Variants in GABBR2 observed in about 807,000 individuals in gnomAD.
GABBR2 encodes the protein G-protein coupled receptor 51.
Under a neutral mutation model 105.6 loss-of-function variants are expected in GABBR2, and 23 were observed. The observed-to-expected ratio is 0.22, with a 90% confidence interval of 0.16 to 0.31. The LOEUF (loss-of-function observed/expected upper bound fraction) is 0.31. GABBR2 is among the 10% of genes least tolerant of loss of function. GABBR2 has a pLI of 1.00. For synonymous variants in GABBR2, 478 were observed against 499.7 expected (o/e 0.96, Z 0.58); for missense variants, 734 against 1,245.5 (o/e 0.59, Z 6.18).
At chr9:98,430,225 G>C (rs538942361) in intron 7 of GABBR2, among the ~76,000 whole-genome samples, 1 of 148,150 alleles carries the variant, frequency 6.7e-6, no homozygotes, top group Non-Finnish European at 1.5e-5. Flanking sequence ...GGGAGGTGGA[G>C]ATTGCAGTGA....
At chr9:98,576,452 C>T (rs930056314) in intron 2 of GABBR2, among the ~76,000 whole-genome samples, 1 of 152,176 alleles carries the variant, frequency 6.6e-6, no homozygotes, top group South Asian at 2.1e-4. Flanking sequence ...TTTCTGACTA[C>T]CCCAAGGCAG....
intron 2 of GABBR2, among the ~76,000 whole-genome samples, chr9:98,575,445 C>T (rs1172237596): frequency 6.6e-6 from 1 of 152,152 alleles, no homozygotes; most frequent in African/African-American, 2.4e-5. Context: ...ACAAAGAACA[C>T]TTAGTTAGCA....
intron 2 of GABBR2, among the ~76,000 whole-genome samples, chr9:98,550,268 A>G (rs1017478391): frequency 6.6e-6 from 1 of 152,198 alleles, no homozygotes; most frequent in Non-Finnish European, 1.5e-5. Context: ...CAACAAAGCA[A>G]ATTGGGGCGA....
At chr9:98,385,485 G>A (rs931564424) in intron 11 of GABBR2, among the ~76,000 whole-genome samples, 155 bp downstream of exon 11, 2 of 150,342 alleles carry the variant, frequency 1.3e-5, no homozygotes, top group Non-Finnish European at 3.0e-5. Context: ...CAGTAACACC[G>A]TTCTTCCCTG....
At chr9:98,589,678 C>T (rs1395394119) in intron 1 of GABBR2, among the ~76,000 whole-genome samples, 1 of 151,244 alleles carries the variant, frequency 6.6e-6, no homozygotes, top group Non-Finnish European at 1.5e-5. Flanking sequence ...GGGATACAGC[C>T]AGATATAACT....
chr9:98,350,926 G>C (rs1831387997), intron 13 of GABBR2, among the ~76,000 whole-genome samples: 1 of 152,040 alleles, frequency 6.6e-6, no homozygotes, highest in Non-Finnish European at 1.5e-5. Context: ...CTCTGGCATT[G>C]GGTGCATATT....
At chr9:98,599,993 A>G (rs951961476) in intron 1 of GABBR2, among the ~76,000 whole-genome samples, 17 of 152,188 alleles carry the variant, frequency 1.1e-4, no homozygotes, top group African/African-American at 4.1e-4. Context: ...AGAGTCAATT[A>G]AGAAAGGGGC....
intron 7 of GABBR2, among the ~76,000 whole-genome samples, chr9:98,436,024 G>A (rs140243681): frequency 1.3e-5 from 2 of 151,684 alleles, no homozygotes; most frequent in African/African-American, 4.8e-5. Context: ...CATCTGCCCT[G>A]CTCACAGTTG....
intron 1 of GABBR2, among the ~76,000 whole-genome samples, chr9:98,624,441 A>G (rs995648508): frequency 1.3e-5 from 2 of 152,186 alleles, no homozygotes; most frequent in African/African-American, 4.8e-5. Flanking sequence ...ACTGTGGGAG[A>G]GAAAAACTTC....
chr9:98,397,901 T>C (rs1224398448), intron 8 of GABBR2, among the ~76,000 whole-genome samples: 1 of 152,184 alleles, frequency 6.6e-6, no homozygotes, highest in Non-Finnish European at 1.5e-5. Flanking sequence ...TCTCATCCCC[T>C]GCACTCTGCT....
intron 16 of GABBR2, 99 bp from the exon 17 acceptor site, chr9:98,299,452 T>A: frequency 7.6e-7 from 1 of 1,317,180 alleles, no homozygotes. Flanking sequence ...GGCCTTTACC[T>A]GTATTCAGGA....
At chr9:98,404,211 A>AG (rs1832449741) in intron 8 of GABBR2, among the ~76,000 whole-genome samples, 2 of 152,034 alleles carry the variant, frequency 1.3e-5, no homozygotes, top group Non-Finnish European at 2.9e-5. Context: ...AAAAAAAAAA[A>AG]AGTAAGTATC....
chr9:98,630,889 C>A (rs1434596983), intron 1 of GABBR2, among the ~76,000 whole-genome samples: 1 of 152,160 alleles, frequency 6.6e-6, no homozygotes, highest in Non-Finnish European at 1.5e-5. Context: ...TAAATTAATT[C>A]AAATCAAATT....
chr9:98,578,147 A>G, intron 1 of GABBR2, 75 bp from the exon 2 acceptor site: 4 of 1,524,332 alleles, frequency 2.6e-6, no homozygotes, highest in Non-Finnish European at 3.6e-6. Context: ...CCAACAAACA[A>G]ATCTTTCCTC....
chr9:98,534,759 T>C (rs1439155698), intron 3 of GABBR2, among the ~76,000 whole-genome samples: 2 of 152,152 alleles, frequency 1.3e-5, no homozygotes, highest in East Asian at 1.9e-4. Flanking sequence ...TCACAGAAAC[T>C]CTCATTCATT....
At chr9:98,684,243 GT>G (rs1830593535) in intron 1 of GABBR2, among the ~76,000 whole-genome samples, 1 of 146,530 alleles carries the variant, frequency 6.8e-6, no homozygotes, top group Admixed American at 6.9e-5. Flanking sequence ...ATGATCTGAA[GT>G]CTATTTTTTT....
chr9:98,429,688 C>T (rs780485061), intron 7 of GABBR2, among the ~76,000 whole-genome samples: 1 of 152,180 alleles, frequency 6.6e-6, no homozygotes, highest in Non-Finnish European at 1.5e-5. Flanking sequence ...TTGTTGAGGA[C>T]AAGCCATTCA....
intron 2 of GABBR2, among the ~76,000 whole-genome samples, chr9:98,576,908 A>ATGGG (rs779929738): frequency 3.6e-3 from 357 of 100,182 alleles, no homozygotes; most frequent in Non-Finnish European, 5.2e-3. Flanking sequence ...TATTTGTTGG[A>ATGGG]TGGATGGATG....
In GABBR2 at chr9:98,666,240, C is replaced by T. The variant is rs930885733; in HGVS notation, c.321+42177G>A. Among the ~76,000 whole-genome samples the T allele has an allele frequency of 6.6e-5, 10 of 152,270 alleles. No individual in the cohort carries two copies. The South Asian group carries it at 1.0e-3, about 16-fold the overall frequency. The stretch of plus-strand genomic sequence containing the variant: ...TACCATGTTCCAGGAAGGAACCTAA[C>T]GAACCCAAAGGAATAATCTAAATGA... On this transcript the variant is annotated intron_variant, in intron 1 of 18. Transcript: ENST00000259455.
Sources: gnomAD v4.1 joint callset for allele counts (sites outside exome capture counted in the v4.1 genomes callset) on GRCh38, gnomAD v4.1.1 for gene constraint, MANE v1.5 for transcripts, NCBI Gene and HGNC (gene_info 2026-07-23, HGNC 2026-07-21) for gene names.